Variants in ADAMTSL1 observed in about 807,000 individuals in gnomAD.
The protein encoded by ADAMTSL1 is ADAMTS like 1, also known as ADAMTS-like protein 1.
A neutral mutation model predicts 201.8 loss-of-function variants in ADAMTSL1; 126 were observed. The ratio of observed to expected loss-of-function variants is 0.62; its 90% CI spans 0.54 to 0.72. The LOEUF (loss-of-function observed/expected upper bound fraction) is 0.72, where lower values mean the gene tolerates loss of function less well. ADAMTSL1 is among the 30% of genes least tolerant of loss of function. ADAMTSL1 has a pLI of 0.00. For missense variants in ADAMTSL1, 2,679 were observed against 2,277.8 expected, an observed-to-expected ratio of 1.18 and a Z score of -3.59; for synonymous variants, 1,121 against 903.4, an observed-to-expected ratio of 1.24 and a Z score of -4.32.
intron 2 of ADAMTSL1, among the ~76,000 whole-genome samples, chr9:18,281,360 C>T (rs1458163546): frequency 1.3e-5 from 2 of 152,058 alleles, no homozygotes; most frequent in African/African-American, 2.4e-5. Flanking sequence ...CAGAGTCAGA[C>T]ACCGCACTCA....
At chr9:18,504,706 T>C in intron 1 of ADAMTSL1, 123 bp from the exon 2 acceptor site, 2 of 1,311,160 alleles carry the variant, frequency 1.5e-6, no homozygotes, top group Non-Finnish European at 2.2e-6. Context: ...AGAATCTGAT[T>C]GCGCGTTTTC....
chr9:18,633,283 C>T (rs1016932930), intron 5 of ADAMTSL1, among the ~76,000 whole-genome samples: 4 of 152,154 alleles, frequency 2.6e-5, no homozygotes, highest in African/African-American at 9.6e-5. Context: ...TTATGCAAGG[C>T]GTTTAAAGCT....
intron 9 of ADAMTSL1, among the ~76,000 whole-genome samples, chr9:18,674,819 AC>A (rs1830044625): frequency 1.3e-5 from 2 of 152,168 alleles, no homozygotes; most frequent in African/African-American, 4.8e-5. Context: ...CTTATGCACT[AC>A]CATGCTCTAC....
chr9:18,116,611 AG>A (rs1825260808), intron 1 of ADAMTSL1, among the ~76,000 whole-genome samples: 1 of 152,192 alleles, frequency 6.6e-6, no homozygotes, highest in Non-Finnish European at 1.5e-5. Context: ...AAATAAAGAC[AG>A]GGGTTGCATT....
At chr9:18,858,052 A>T (rs75439096) in intron 23 of ADAMTSL1, among the ~76,000 whole-genome samples, 19 of 17,746 alleles carry the variant, frequency 1.1e-3, no homozygotes, top group East Asian at 9.7e-3. Context: ...CCCAGAATTT[A>T]AAAAAAAAAT....
At chr9:18,665,135 T>G (rs1336051399) in intron 9 of ADAMTSL1, among the ~76,000 whole-genome samples, 1 of 152,010 alleles carries the variant, frequency 6.6e-6, no homozygotes, top group Non-Finnish European at 1.5e-5. Context: ...AAAAACAGTT[T>G]TCATTACAAA....
rs1003646515 is a variant in ADAMTSL1 at position 18,593,012 on chromosome 9, C to A, written c.474+18746C>A. Reference sequence around the variant, plus strand: ...GAGATTACTTTCTTGATATCTTTTTCAGATTGTTCATTTTTGGCATATAGA... The same window carrying A: ...GAGATTACTTTCTTGATATCTTTTTAAGATTGTTCATTTTTGGCATATAGA... On this transcript the variant is annotated intron_variant, in intron 4 of 28. Coordinates refer to ENST00000380548, the MANE Select transcript of ADAMTSL1 (RefSeq NM_001040272.6). Among the ~76,000 whole-genome samples, 5 of 151,894 alleles carry A rather than the reference C, an allele frequency of 3.3e-5. 1 individual carries two copies. Among genetic ancestry groups the A allele is most frequent in the African/African-American group, 1.2e-4 (5 of 41,358 alleles).
At chr9:18,561,494 C>T (rs1032056459) in intron 3 of ADAMTSL1, among the ~76,000 whole-genome samples, 14 of 152,002 alleles carry the variant, frequency 9.2e-5, no homozygotes, top group African/African-American at 2.2e-4. Flanking sequence ...CTGAGAAGAA[C>T]GTATATACTG....
In ADAMTSL1 at chr9:18,302,659, G is replaced by T. The variant is rs78345721; in HGVS notation, c.207+138678G>T. Among the ~76,000 whole-genome samples the T allele has an allele frequency of 3.5e-4, 54 of 152,246 alleles. No individual in the cohort carries two copies. The East Asian group carries it at 0.01, about 29-fold the overall frequency. On this transcript the variant is annotated intron_variant, in intron 2 of 29. Transcript: ENST00000680146. ...CCTTTTTCTTGCTTAGGGCTGAAAAGAGTTAACTGCATGTATAACAGTCTA... is the reference window on the plus strand; with the variant it reads ...CCTTTTTCTTGCTTAGGGCTGAAAATAGTTAACTGCATGTATAACAGTCTA...
intron 4 of ADAMTSL1, among the ~76,000 whole-genome samples, chr9:18,603,413 A>G (rs13298928): frequency 1.4e-4 from 17 of 118,172 alleles, no homozygotes; most frequent in African/African-American, 4.6e-4. Context: ...ATGCTATGCT[A>G]TGCTATACTG....
At chr9:18,830,624 G>A (rs1340115651) in intron 23 of ADAMTSL1, among the ~76,000 whole-genome samples, 1 of 151,974 alleles carries the variant, frequency 6.6e-6, no homozygotes, top group African/African-American at 2.4e-5. Context: ...TCAAGTCCTG[G>A]GCCCCCACAC....
At chr9:18,647,518 G>A (rs1334558117) in intron 7 of ADAMTSL1, among the ~76,000 whole-genome samples, 10 of 151,974 alleles carry the variant, frequency 6.6e-5, no homozygotes, top group Middle Eastern at 3.4e-3. Context: ...TCTCTTGTGG[G>A]CATTTAGTGC....
chr9:18,202,441 T>C (rs1005737116), intron 2 of ADAMTSL1, among the ~76,000 whole-genome samples: 1 of 152,230 alleles, frequency 6.6e-6, no homozygotes, highest in Non-Finnish European at 1.5e-5. Flanking sequence ...TACATAGTCC[T>C]ACAAATGATG....
intron 3 of ADAMTSL1, among the ~76,000 whole-genome samples, chr9:18,557,594 C>A (rs1821180474): frequency 6.6e-6 from 1 of 152,002 alleles, no homozygotes; most frequent in South Asian, 2.1e-4. Flanking sequence ...TCAGGATTCA[C>A]TGACAACCAA....
chr9:18,203,833 G>A (rs1012040543), intron 2 of ADAMTSL1, among the ~76,000 whole-genome samples: 8 of 152,244 alleles, frequency 5.3e-5, no homozygotes, highest in South Asian at 2.1e-4. Context: ...CATAAACACC[G>A]TCAGTGGAAG....
In ADAMTSL1 at chr9:18,290,776, TGTG is replaced by T. The variant is rs796129560; in HGVS notation, c.207+126796_207+126798del. 1.1e-3 allele frequency among the ~76,000 whole-genome samples: 84 copies of T among 74,652 alleles called. 10 individuals carry two copies. Among genetic ancestry groups the T allele is most frequent in the African/African-American group, 4.4e-3 (81 of 18,366 alleles). 49.0% of individuals were successfully genotyped at this position (74,652 alleles called of 152,430 possible). A position where few individuals can be genotyped will look rare whatever the true frequency, so the allele number is the denominator to read the frequency against. On this transcript the variant is annotated intron_variant, in intron 2 of 29. Coordinates refer to the ADAMTSL1 transcript ENST00000680146. ...CTCAGGGTTGAAAGCTGGCTTTTTT[TGTG>T]TGTTTTTTTTTTTTTTTTTTGAGGC...
At chr9:18,291,745 T>TCACACA (rs1364394883) in intron 2 of ADAMTSL1, among the ~76,000 whole-genome samples, 65 of 111,100 alleles carry the variant, frequency 5.9e-4, no homozygotes, top group Middle Eastern at 4.5e-3. Flanking sequence ...TCTCTCTCTC[T>TCACACA]CTCACACACA....
intron 2 of ADAMTSL1, among the ~76,000 whole-genome samples, chr9:18,518,565 C>T (rs946018041): frequency 6.6e-6 from 1 of 152,016 alleles, no homozygotes; most frequent in Non-Finnish European, 1.5e-5. Context: ...GACATTTAGG[C>T]TGATTCTATG....
intron 2 of ADAMTSL1, among the ~76,000 whole-genome samples, chr9:18,287,232 C>T (rs528425483): frequency 6.6e-6 from 1 of 152,218 alleles, no homozygotes; most frequent in African/African-American, 2.4e-5. Context: ...AGATAAAACA[C>T]TGTTTTGGCT....
Sources: allele counts gnomAD v4.1 joint callset (sites outside exome capture counted in the v4.1 genomes callset), GRCh38; gene constraint gnomAD v4.1.1; transcripts MANE v1.5; gene names NCBI Gene and HGNC (gene_info 2026-07-23, HGNC 2026-07-21).